FAN1: variants seen among roughly 807,000 people sequenced by gnomAD.
FAN1 encodes the protein FANCD2 and FANCI associated nuclease 1.
In FAN1, 91 loss-of-function variants were observed where a neutral mutation model predicts 104.9. The observed-to-expected ratio is 0.87, with a 90% CI of 0.73 to 1.03. FAN1 has a LOEUF of 1.03. Among genes scored for constraint, FAN1 ranks in the 50% least tolerant of loss-of-function variants. The probability of loss-of-function intolerance (pLI) is 0.00; values close to 1 mark genes in which losing one functional copy is unlikely to be tolerated. For synonymous variants in FAN1, 478 were observed against 457.6 expected (o/e 1.04, Z -0.57); for missense variants, 1,263 against 1,239.9 (o/e 1.02, Z -0.28).
chr15:30,928,657 G>A lies in FAN1; in HGVS notation c.2592+1G>A. ...GGATGTCTTCAGAAACGCCTGTCAG[G>A]TACTCCAGTGCCCCTGCCCCACGAG... On this transcript the variant is annotated splice_donor_variant, in intron 11 of 14. Transcript: ENST00000362065. LOFTEE classifies it high-confidence loss of function. 6.2e-7 allele frequency: 1 copy of A among 1,613,906 alleles called. No homozygotes were observed. Among genetic ancestry groups the A allele is most frequent in the South Asian group, 1.1e-5 (1 of 91,056 alleles).
At chr15:30,906,257 G>A (rs2061976527) in intron 2 of FAN1, 2 of 444,888 alleles carry the variant, frequency 4.5e-6, no homozygotes, top group African/African-American at 2.0e-5. Flanking sequence ...GTGTAATCAG[G>A]CTTTCCATTA....
chr15:30,928,710 C>T (rs537740534), intron 11 of FAN1, 54 bp downstream of exon 11: 3 of 1,610,272 alleles, frequency 1.9e-6, no homozygotes, highest in African/African-American at 1.3e-5. Flanking sequence ...ATCCGTGGCT[C>T]ACGCCCACCT....
At chr15:30,939,972 A>G (rs1810122280) in intron 14 of FAN1, 1 of 981,812 alleles carries the variant, frequency 1.0e-6, no homozygotes, top group South Asian at 4.7e-5. Flanking sequence ...ATCCAGAGAC[A>G]TTATCAAATT....
At position 30,907,990 on chromosome 15, in the gene FAN1, T is replaced by G; in HGVS notation, c.1235-128T>G. On this transcript the variant is annotated intron_variant, in intron 2 of 14. Transcript: ENST00000362065. ...TTTTTAAATGTACTTTCAAAATGGT[T>G]TATTCCATAAAATGAAGGCCTTATA... is the stretch of plus-strand genomic sequence containing the variant. 5 of 604,052 alleles carry G rather than the reference T, an allele frequency of 8.3e-6. No homozygotes were observed. In the East Asian group the frequency reaches 1.6e-4, roughly 20 times the overall value. 37.4% of individuals were successfully genotyped at this position (604,052 alleles called of 1,614,324 possible). A position where few individuals can be genotyped will look rare whatever the true frequency, so the allele number is the denominator to read the frequency against.
At chr15:30,938,171 G>A (rs531033771) in intron 14 of FAN1, among the ~76,000 whole-genome samples, 127 of 151,038 alleles carry the variant, frequency 8.4e-4, no homozygotes, top group African/African-American at 3.0e-3. Context: ...GAGACAGAGC[G>A]AGACTCTGTC....
intron 14 of FAN1, 171 bp from the exon 15 acceptor site, chr15:30,941,395 C>T (rs1025043960): frequency 1.7e-5 from 26 of 1,546,666 alleles, no homozygotes; most frequent in South Asian, 7.5e-5. Flanking sequence ...GAGATTCAAA[C>T]GCCTAGGTTA....
chr15:30,941,310 G>A (rs2063043698), intron 14 of FAN1: 2 of 1,525,784 alleles, frequency 1.3e-6, no homozygotes, highest in East Asian at 2.5e-5. Context: ...AAATAAGTGT[G>A]AAAGAAGCAT....
Position 30,942,353 on chromosome 15 carries a change from G to A in FAN1, c.*791G>A. ...TGCTTAAGGATAAGTTCTAAGACGG[G>A]CTAGAAAAAACACTAGACCTGGCCG... On this transcript the variant is annotated 3_prime_UTR_variant, in exon 15 of 15. Coordinates refer to ENST00000362065, the MANE Select transcript of FAN1 (RefSeq NM_014967.5). 2.1e-6 allele frequency: 1 copy of A among 470,010 alleles called. No individual in the cohort carries two copies. 29.1% of individuals were successfully genotyped at this position (470,010 alleles called of 1,614,324 possible). A position where few individuals can be genotyped will look rare whatever the true frequency, so the allele number is the denominator to read the frequency against.
chr15:30,928,035 C>T lies in FAN1; in HGVS notation c.2489-518C>T, dbSNP rs185562169. 3.3e-4 allele frequency: 329 copies of T among 990,356 alleles called. 1 individual carries two copies. The African/African-American group carries it at 5.1e-3, about 15-fold the overall frequency. The allele number at this position is 990,356 out of a possible 1,614,324, so 61.3% of individuals were successfully genotyped here. On this transcript the variant is annotated intron_variant, in intron 10 of 14. Transcript: ENST00000362065. ...CACTGGGCTAGGGCAGTGTAGTACCCAGGGGGATGAGGTGCATCAGAGCAG... is the reference window on the plus strand; with the variant it reads ...CACTGGGCTAGGGCAGTGTAGTACCTAGGGGGATGAGGTGCATCAGAGCAG...
rs2063074104 is a variant in FAN1, at chr15:30,942,085, G to A, written c.*523G>A. 1.2e-6 allele frequency: 2 copies of A among 1,603,740 alleles called. No individual in the cohort carries two copies. Among genetic ancestry groups the A allele is most frequent in the Non-Finnish European group, 8.5e-7 (1 of 1,173,430 alleles). ...AGCTGTAGCTTTTCTATACAGAAGA[G>A]ATTTTATTATGTTCCGGGGATTCCC... On this transcript the variant is annotated 3_prime_UTR_variant, in exon 15 of 15. Coordinates refer to ENST00000362065, the MANE Select transcript of FAN1 (RefSeq NM_014967.5).
intron 6 of FAN1, among the ~76,000 whole-genome samples, chr15:30,918,673 C>A (rs147145917): frequency 6.6e-6 from 1 of 152,276 alleles, no homozygotes; most frequent in East Asian, 1.9e-4. Context: ...GAGGGAAATT[C>A]AAGTAGGTGT....
In FAN1 at chr15:30,928,694, G is replaced by A. The variant is rs2062534927; in HGVS notation, c.2592+38G>A. 5 of 1,612,664 alleles carry A rather than the reference G, an allele frequency of 3.1e-6. No individual in the cohort carries two copies. The African/African-American group carries it at 4.0e-5, about 13-fold the overall frequency. On this transcript the variant is annotated intron_variant, in intron 11 of 14. Transcript: ENST00000362065. Reference sequence around the variant, plus strand: ...CCCTGCCCCACGAGTAGGTCCTTCTGCACACATCCGTGGCTCACGCCCACC... The same window carrying A: ...CCCTGCCCCACGAGTAGGTCCTTCTACACACATCCGTGGCTCACGCCCACC...
intron 14 of FAN1, chr15:30,940,690 A>T: frequency 1.0e-6 from 1 of 987,992 alleles, no homozygotes; most frequent in South Asian, 4.7e-5. Flanking sequence ...GAGGAACAAG[A>T]CTCTGGGGAC....
At chr15:30,927,669 G>A (rs2140940926) in intron 10 of FAN1, 1 of 985,636 alleles carries the variant, frequency 1.0e-6, no homozygotes, top group Non-Finnish European at 1.2e-6. Context: ...GTCAGGATGG[G>A]GGTCTGGTGG....
In FAN1 at chr15:30,943,037, A is replaced by T. The variant is rs2063105160; in HGVS notation, c.*1475A>T. Reference sequence around the variant, plus strand: ...CAGAGGGGAATTTTAAGCCCTTCTCATCACCCAATTGGATGTTTTTGCTTA... The same window carrying T: ...CAGAGGGGAATTTTAAGCCCTTCTCTTCACCCAATTGGATGTTTTTGCTTA... On this transcript the variant is annotated 3_prime_UTR_variant, in exon 15 of 15. Transcript: ENST00000362065. 1 of 1,547,136 alleles carries T rather than the reference A, an allele frequency of 6.5e-7. No individual in the cohort carries two copies. Among genetic ancestry groups the T allele is most frequent in the Non-Finnish European group, 8.7e-7 (1 of 1,145,876 alleles).
chr15:30,930,521 C>G (rs370322908), intron 12 of FAN1, 22 bp from the exon 13 acceptor site: 6 of 1,570,172 alleles, frequency 3.8e-6, no homozygotes, highest in Non-Finnish European at 5.2e-6. Flanking sequence ...AAGTGGCTAA[C>G]TGTCCTGTGT....
chr15:30,921,182 TTC>T (rs1414709897), intron 7 of FAN1, among the ~76,000 whole-genome samples: 1 of 152,132 alleles, frequency 6.6e-6, no homozygotes, highest in Non-Finnish European at 1.5e-5. Context: ...TGGACAGCTG[TTC>T]TGTTTGCCTG....
chr15:30,939,158 C>G, intron 14 of FAN1: 11 of 985,316 alleles, frequency 1.1e-5, no homozygotes, highest in Non-Finnish European at 1.3e-5. Context: ...AGCTTTCACC[C>G]TCTGTTAGTA....
chr15:30,908,052 T>TTA, intron 2 of FAN1, 66 bp from the exon 3 acceptor site: 1 of 1,376,912 alleles, frequency 7.3e-7, no homozygotes, highest in Non-Finnish European at 9.9e-7. Context: ...AAATCGTACA[T>TTA]TTATTCACCT....
Sources: allele counts gnomAD v4.1 joint callset (sites outside exome capture counted in the v4.1 genomes callset), GRCh38; gene constraint gnomAD v4.1.1; transcripts MANE v1.5; gene names NCBI Gene and HGNC (gene_info 2026-07-23, HGNC 2026-07-21).